PPP1R1A: variants seen among roughly 807,000 people sequenced by gnomAD.
The protein encoded by PPP1R1A is protein phosphatase 1 regulatory subunit 1A.
Under a neutral mutation model 23.9 loss-of-function variants are expected in PPP1R1A, and 18 were observed. The ratio of observed to expected loss-of-function variants is 0.75; its 90% confidence interval spans 0.52 to 1.12. The LOEUF is 1.12. Ranked by LOEUF, PPP1R1A falls within the 50% of genes most tolerant of loss-of-function variation. The pLI is 0.00. For missense variants in PPP1R1A, 207 were observed against 223.8 expected (o/e 0.92, Z 0.48); for synonymous variants, 84 against 80.7 (o/e 1.04, Z -0.22).
At chr12:54,585,631 AATG>A (rs1238730061) in intron 1 of PPP1R1A, among the ~76,000 whole-genome samples, 1 of 152,094 alleles carries the variant, frequency 6.6e-6, no homozygotes, top group Non-Finnish European at 1.5e-5. Context: ...GAGGACACTG[AATG>A]ATCAAACCCT....
chr12:54,588,133 A>G (rs1456020705), intron 1 of PPP1R1A, among the ~76,000 whole-genome samples: 1 of 150,808 alleles, frequency 6.6e-6, no homozygotes, highest in African/African-American at 2.4e-5. Flanking sequence ...CTCCCCCAGG[A>G]CTGGGGAGGA....
chr12:54,582,206 C>G (rs576811236), intron 4 of PPP1R1A, 75 bp from the exon 5 acceptor site: 13 of 1,448,544 alleles, frequency 9.0e-6, no homozygotes, highest in Admixed American at 2.4e-5. Context: ...CCGGATTCAA[C>G]AGCCCCACTA....
rs963744889 is a variant in PPP1R1A at position 54,581,537 on chromosome 12, A to T, written c.403+439T>A. Among the ~76,000 whole-genome samples, 6 of 152,234 alleles carry T rather than the reference A, an allele frequency of 3.9e-5. No individual in the cohort carries two copies. The highest frequency in any genetic ancestry group is 2.9e-5 in the Non-Finnish European group (2 of 68,044). Reference sequence around the variant, plus strand: ...ACTGCTACCAGCTTCCACTTATTGCATGCTCTGTGTGTGTCGGGTGCTGTG... The same window carrying T: ...ACTGCTACCAGCTTCCACTTATTGCTTGCTCTGTGTGTGTCGGGTGCTGTG... On this transcript the variant is annotated intron_variant, in intron 5 of 6. Coordinates refer to ENST00000257905, the MANE Select transcript of PPP1R1A (RefSeq NM_006741.4). The surrounding 1 kb of genome is among the most constrained non-coding windows in gnomAD (Gnocchi z 4.1).
intron 1 of PPP1R1A, 22 bp downstream of exon 1, chr12:54,588,383 G>A: frequency 6.7e-7 from 1 of 1,492,116 alleles, no homozygotes; most frequent in Non-Finnish European, 9.0e-7. Flanking sequence ...CGAGTGCCCT[G>A]CCGCCCCGCC....
At chr12:54,582,821 G>A in intron 3 of PPP1R1A, 26 bp from the exon 4 acceptor site, 2 of 1,609,940 alleles carry the variant, frequency 1.2e-6, no homozygotes, top group Non-Finnish European at 1.7e-6. Context: ...AGCACAGATG[G>A]GCGCCAGCCC....
In PPP1R1A at chr12:54,579,859, AAGTGCCATGGTGC is replaced by A. The variant is rs1189938344; in HGVS notation, c.*515_*527del. 2.0e-6 allele frequency: 2 copies of A among 985,722 alleles called. No homozygotes were observed. The highest frequency in any genetic ancestry group is 3.5e-5 in the African/African-American group (2 of 57,244). The allele number at this position is 985,722 out of a possible 1,614,324, so 61.1% of individuals were successfully genotyped here. On this transcript the variant is annotated 3_prime_UTR_variant, in exon 7 of 7. Coordinates refer to ENST00000257905, the MANE Select transcript of PPP1R1A (RefSeq NM_006741.4). ...CACCATACCCTCTTTCCCATGGGCC[AAGTGCCATGGTGC>A]AGTTCCCCTTTTGTCCAGCAGATGG...
chr12:54,588,269 C>CCCCCCCCCA, intron 1 of PPP1R1A, 136 bp downstream of exon 1: 1 of 317,308 alleles, frequency 3.2e-6, no homozygotes, highest in Non-Finnish European at 5.6e-6. Flanking sequence ...CCCCCCCGCC[C>CCCCCCCCCA]CCCGCAAACT....
At chr12:54,582,831 C>G (rs1275975899) in intron 3 of PPP1R1A, 36 bp from the exon 4 acceptor site, 1 of 1,599,946 alleles carries the variant, frequency 6.3e-7, no homozygotes, top group South Asian at 1.1e-5. Flanking sequence ...GGCGCCAGCC[C>G]CCCCTTGCTC....
At position 54,579,556 on chromosome 12, in the gene PPP1R1A, A is replaced by T; in HGVS notation, c.*831T>A. 1.0e-6 allele frequency: 1 copy of T among 985,360 alleles called. No homozygotes were observed. Among genetic ancestry groups the T allele is most frequent in the Non-Finnish European group, 1.2e-6 (1 of 829,998 alleles). 61.0% of individuals were successfully genotyped at this position (985,360 alleles called of 1,614,324 possible). On this transcript the variant is annotated 3_prime_UTR_variant, in exon 7 of 7. Coordinates refer to ENST00000257905, the MANE Select transcript of PPP1R1A (RefSeq NM_006741.4). ...ACCTGGGAAAATCAAAAACAGCAGC[A>T]GGAGAGAGGCCTGGCCGTGAGATCT...
At position 54,580,057 on chromosome 12, in the gene PPP1R1A, C is replaced by T; in HGVS notation, c.*330G>A. On this transcript the variant is annotated 3_prime_UTR_variant, in exon 7 of 7. Transcript: ENST00000257905. ...GGCACCCTGGAAGTTAGTCCTCCCA[C>T]CTATCTGACCCTCATCTCTCTTCCC... is the stretch of plus-strand genomic sequence containing the variant. 9.5e-7 allele frequency: 1 copy of T among 1,054,946 alleles called. No homozygotes were observed. The highest frequency in any genetic ancestry group is 1.7e-5 in the African/African-American group (1 of 59,814). 65.3% of individuals were successfully genotyped at this position (1,054,946 alleles called of 1,614,324 possible).
intron 1 of PPP1R1A, among the ~76,000 whole-genome samples, chr12:54,587,577 T>C (rs142025847): frequency 1.3e-4 from 20 of 152,226 alleles, no homozygotes; most frequent in Middle Eastern, 6.8e-3. Flanking sequence ...GAGCTAAAAA[T>C]AGACCAGGCT....
At chr12:54,582,313 A>G (rs1957862942) in intron 4 of PPP1R1A, among the ~76,000 whole-genome samples, 182 bp from the exon 5 acceptor site, 1 of 152,204 alleles carries the variant, frequency 6.6e-6, no homozygotes, top group African/African-American at 2.4e-5. Context: ...AATGAAAACT[A>G]GACCATAAAA....
In PPP1R1A at chr12:54,581,186, C is replaced by T; in HGVS notation, c.404-136G>A. The T allele has an allele frequency of 1.6e-6, 1 of 644,058 alleles. No individual in the cohort carries two copies. The highest frequency in any genetic ancestry group is 2.8e-6 in the Non-Finnish European group (1 of 359,928). The allele number at this position is 644,058 out of a possible 1,614,324, so 39.9% of individuals were successfully genotyped here. A position where few individuals can be genotyped will look rare whatever the true frequency, so the allele number is the denominator to read the frequency against. ...CAGGACCAAGTTGGGTGCAATCAGGCAAGACCAACAGGGTTTTCTTTGATC... is the reference window on the plus strand; with the variant it reads ...CAGGACCAAGTTGGGTGCAATCAGGTAAGACCAACAGGGTTTTCTTTGATC... On this transcript the variant is annotated intron_variant, in intron 5 of 6. Transcript: ENST00000257905. The surrounding 1 kb of genome is among the most constrained non-coding windows in gnomAD (Gnocchi z 4.1).
chr12:54,585,821 G>T (rs1957904526), intron 1 of PPP1R1A, among the ~76,000 whole-genome samples: 1 of 146,840 alleles, frequency 6.8e-6, no homozygotes, highest in African/African-American at 2.5e-5. Flanking sequence ...AAAGAATGGG[G>T]GTATGTGGGG....
intron 1 of PPP1R1A, among the ~76,000 whole-genome samples, chr12:54,587,292 T>G (rs1265184720): frequency 6.6e-6 from 1 of 152,138 alleles, no homozygotes; most frequent in African/African-American, 2.4e-5. Flanking sequence ...AAAGTTTTTT[T>G]CAGGTTGGGG....
chr12:54,580,014 G>T lies in PPP1R1A; in HGVS notation c.*373C>A. 1 of 1,012,708 alleles carries T rather than the reference G, an allele frequency of 9.9e-7. No homozygotes were observed. Among genetic ancestry groups the T allele is most frequent in the Non-Finnish European group, 1.2e-6 (1 of 846,666 alleles). 62.7% of individuals were successfully genotyped at this position (1,012,708 alleles called of 1,614,324 possible). A position where few individuals can be genotyped will look rare whatever the true frequency, so the allele number is the denominator to read the frequency against. ...TTCCTCAATAAGAAAAGAGAACCTGGGGCTTTTCTTCCTTCTTGGCACCCT... is the reference window on the plus strand; with the variant it reads ...TTCCTCAATAAGAAAAGAGAACCTGTGGCTTTTCTTCCTTCTTGGCACCCT... On this transcript the variant is annotated 3_prime_UTR_variant, in exon 7 of 7. Transcript: ENST00000257905.
At chr12:54,583,845 T>G (rs1176975814) in intron 2 of PPP1R1A, among the ~76,000 whole-genome samples, 3 of 152,212 alleles carry the variant, frequency 2.0e-5, no homozygotes, top group Non-Finnish European at 2.9e-5. Flanking sequence ...GACCAGAATC[T>G]CAGCTGCTCC....
rs3036606 is a variant in PPP1R1A at position 54,579,337 on chromosome 12, CAT to C, written c.*1048_*1049del. ...AAAATCTGGGTGAGGCGTTCTCCCT[CAT>C]ATATATATATATATATATTTAGGTA... On this transcript the variant is annotated 3_prime_UTR_variant, in exon 7 of 7. Transcript: ENST00000257905. The C allele has an allele frequency of 0.66, 520,742 of 787,608 alleles. 128,694 individuals carry two copies. The highest frequency in any genetic ancestry group is 0.95 in the Admixed American group (14,851 of 15,620). The allele number at this position is 787,608 out of a possible 1,614,324, so 48.8% of individuals were successfully genotyped here.
In PPP1R1A at chr12:54,581,510, G is replaced by A. The variant is rs1473444159; in HGVS notation, c.404-460C>T. 3.3e-5 allele frequency among the ~76,000 whole-genome samples: 5 copies of A among 152,182 alleles called. No individual in the cohort carries two copies. The highest frequency in any genetic ancestry group is 1.9e-4 in the East Asian group (1 of 5,198). ...ATATATCTAGGATAAGGGACATAGC[G>A]CACTGCTACCAGCTTCCACTTATTG... is the stretch of plus-strand genomic sequence containing the variant. On this transcript the variant is annotated intron_variant, in intron 5 of 6. Coordinates refer to ENST00000257905, the MANE Select transcript of PPP1R1A (RefSeq NM_006741.4). This position sits in a 1 kb window ranked among gnomAD's most constrained non-coding sequence, Gnocchi z 4.1.
Sources: allele counts gnomAD v4.1 joint callset (sites outside exome capture counted in the v4.1 genomes callset), GRCh38; gene constraint gnomAD v4.1.1; non-coding constraint Gnocchi (gnomAD v3.1); transcripts MANE v1.5; gene names NCBI Gene and HGNC (gene_info 2026-07-23, HGNC 2026-07-21).